The following ASCC3 variants were observed in gnomAD, a reference collection of about 807,000 sequenced individuals.
ASCC3 encodes activating signal cointegrator 1 complex subunit 3.
Under a neutral mutation model 256.3 loss-of-function variants are expected in ASCC3, and 158 were observed. The ratio of observed to expected loss-of-function variants is 0.62; its 90% CI spans 0.54 to 0.70. The LOEUF is 0.70. Among genes scored for constraint, ASCC3 ranks in the 30% least tolerant of loss-of-function variants. ASCC3 has a pLI of 0.00. For synonymous variants in ASCC3, 948 were observed against 883.4 expected, an observed-to-expected ratio of 1.07 and a Z score of -1.30; for missense variants, 2,259 against 2,626.0, an observed-to-expected ratio of 0.86 and a Z score of 3.05.
chr6:100,809,388 A>C (rs1770349761), intron 4 of ASCC3, among the ~76,000 whole-genome samples: 1 of 152,012 alleles, frequency 6.6e-6, no homozygotes, highest in African/African-American at 2.4e-5. Context: ...CAACTTGTTA[A>C]TTAAAACTTC....
intron 23 of ASCC3, among the ~76,000 whole-genome samples, chr6:100,643,419 A>T (rs925406034): frequency 6.6e-6 from 1 of 152,112 alleles, no homozygotes; most frequent in Admixed American, 6.6e-5. Flanking sequence ...GATCCTACCT[A>T]TTTTACATAT....
intron 36 of ASCC3, among the ~76,000 whole-genome samples, chr6:100,579,347 T>G (rs1159994264): frequency 6.6e-6 from 1 of 152,146 alleles, no homozygotes; most frequent in Admixed American, 6.6e-5. Flanking sequence ...TTCAGTTTAA[T>G]GTGGTCTCAT....
intron 36 of ASCC3, among the ~76,000 whole-genome samples, chr6:100,565,370 C>T (rs1293212640): frequency 6.6e-6 from 1 of 152,060 alleles, no homozygotes; most frequent in East Asian, 1.9e-4. Context: ...ATTTGCAAAG[C>T]GTCTTAGTGA....
chr6:100,873,432 T>C (rs996591975), intron 1 of ASCC3, among the ~76,000 whole-genome samples: 2 of 152,130 alleles, frequency 1.3e-5, no homozygotes, highest in African/African-American at 4.8e-5. Flanking sequence ...AAGAGAAATC[T>C]AAACGTTTGG....
intron 4 of ASCC3, among the ~76,000 whole-genome samples, chr6:100,814,684 C>A (rs1317744786): frequency 6.6e-6 from 1 of 152,062 alleles, no homozygotes; most frequent in East Asian, 1.9e-4. Flanking sequence ...GTATATGTGT[C>A]CAGGAATTTA....
intron 14 of ASCC3, among the ~76,000 whole-genome samples, chr6:100,672,741 T>G (rs1445592296): frequency 6.6e-6 from 1 of 152,092 alleles, no homozygotes; most frequent in East Asian, 1.9e-4. Context: ...TTCTAATAAG[T>G]ACCTAATTTC....
Position 100,650,536 on chromosome 6 carries a change from A to C in ASCC3, c.3252+2T>G. ...AAAACTGGAAGGGAATAAGATACTT[A>C]CCTGTGCAACATATGCAGAATCTGA... On this transcript the variant is annotated splice_donor_variant, in intron 20 of 41. Transcript: ENST00000369162. LOFTEE classifies it high-confidence loss of function. 1 of 1,612,278 alleles carries C rather than the reference A, an allele frequency of 6.2e-7. No individual in the cohort carries two copies. The highest frequency in any genetic ancestry group is 8.5e-7 in the Non-Finnish European group (1 of 1,178,728).
intron 24 of ASCC3, 64 bp from the exon 25 acceptor site, chr6:100,638,885 A>C: frequency 7.9e-7 from 1 of 1,258,074 alleles, no homozygotes; most frequent in Non-Finnish European, 1.2e-6. Context: ...TGAATACTGT[A>C]TTATAAATAA....
intron 10 of ASCC3, among the ~76,000 whole-genome samples, chr6:100,759,143 T>C (rs1781320793): frequency 6.6e-6 from 1 of 152,176 alleles, no homozygotes; most frequent in African/African-American, 2.4e-5. Flanking sequence ...TATTAGACCT[T>C]TGTCAGATGG....
intron 14 of ASCC3, among the ~76,000 whole-genome samples, chr6:100,664,265 T>G (rs1005463982): frequency 2.0e-5 from 3 of 152,110 alleles, no homozygotes; most frequent in African/African-American, 7.2e-5. Flanking sequence ...GGCTGGATAA[T>G]GGCAGGGAGT....
In ASCC3 at chr6:100,858,407, G is replaced by A. The variant is rs183682466; in HGVS notation, c.241+5657C>T. Reference sequence around the variant, plus strand: ...TTTGTGTCTAATTCCGTACCTCAGGGAAGCTTCTAACTTTGTAGCATTAAG... The same window carrying A: ...TTTGTGTCTAATTCCGTACCTCAGGAAAGCTTCTAACTTTGTAGCATTAAG... On this transcript the variant is annotated intron_variant, in intron 3 of 41. Transcript: ENST00000369162. 2.7e-3 allele frequency: 780 copies of A among 290,354 alleles called. 10 individuals carry two copies. Among genetic ancestry groups the A allele is most frequent in the African/African-American group, 0.017 (751 of 43,798 alleles). The allele number at this position is 290,354 out of a possible 1,614,324, so 18.0% of individuals were successfully genotyped here.
chr6:100,759,549 T>A (rs1304234260), intron 10 of ASCC3, among the ~76,000 whole-genome samples: 1 of 151,770 alleles, frequency 6.6e-6, no homozygotes, highest in Non-Finnish European at 1.5e-5. Context: ...TGTAAATGTG[T>A]GGTGTTATTT....
rs1277903887 is a variant in ASCC3, at chr6:100,647,260, C to T, written c.3444G>A (p.Val1148=). Residue 1148 remains valine (V), a synonymous_variant, in exon 21 of 42, where the codon GTG becomes GTA. Transcript: ENST00000369162. ...LTRLEEKKLT[V]DKLKDMRKDE... ...CTTTCCTCATGTCTTTCAGCTTATC[C>T]ACAGTAAGCTTTTTTTCTTCTAATC... 1 of 1,613,678 alleles carries T rather than the reference C, an allele frequency of 6.2e-7. No homozygotes were observed. Among genetic ancestry groups the T allele is most frequent in the South Asian group, 1.1e-5 (1 of 91,060 alleles).
At chr6:100,849,086 C>T (rs1772533892) in intron 3 of ASCC3, among the ~76,000 whole-genome samples, 2 of 152,094 alleles carry the variant, frequency 1.3e-5, no homozygotes. Flanking sequence ...GCCTGGGCAA[C>T]AGTGTGAGAC....
intron 36 of ASCC3, among the ~76,000 whole-genome samples, chr6:100,581,873 T>C (rs1170325557): frequency 5.6e-4 from 85 of 151,202 alleles, no homozygotes; most frequent in African/African-American, 2.0e-3. Flanking sequence ...TTCTCAGGTT[T>C]GTCAAAGATC....
intron 10 of ASCC3, among the ~76,000 whole-genome samples, chr6:100,740,744 TTC>T (rs2115069050): frequency 1.3e-5 from 2 of 152,334 alleles, no homozygotes; most frequent in South Asian, 4.1e-4. Context: ...CCCTGCTTTT[TTC>T]TGTGTTCCAT....
At chr6:100,847,645 T>G (rs2114501833) in intron 4 of ASCC3, among the ~76,000 whole-genome samples, 1 of 152,280 alleles carries the variant, frequency 6.6e-6, no homozygotes, top group Non-Finnish European at 1.5e-5. Flanking sequence ...TATATCACAT[T>G]CAATCCTTAT....
chr6:100,703,231 C>A (rs1778426522), intron 13 of ASCC3, among the ~76,000 whole-genome samples: 1 of 151,868 alleles, frequency 6.6e-6, no homozygotes, highest in Non-Finnish European at 1.5e-5. Flanking sequence ...CGTAAGAGGA[C>A]AATAATTTTC....
At chr6:100,879,207 TC>T (rs1476034329) in intron 1 of ASCC3, among the ~76,000 whole-genome samples, 29 of 152,312 alleles carry the variant, frequency 1.9e-4, no homozygotes, top group African/African-American at 6.5e-4. Flanking sequence ...TCCAAGTACT[TC>T]CTGGGCACAC....
Sources: allele counts gnomAD v4.1 joint callset (sites outside exome capture counted in the v4.1 genomes callset), GRCh38; gene constraint gnomAD v4.1.1; transcripts MANE v1.5; gene names NCBI Gene and HGNC (gene_info 2026-07-23, HGNC 2026-07-21).